IHO1: variants seen among roughly 807,000 people sequenced by gnomAD.
IHO1 encodes interactor of HORMAD1 protein 1.
IHO1 carries 13 observed loss-of-function variants against 31.0 expected under a neutral mutation model. That is an observed-to-expected ratio of 0.42 (90% CI 0.27 to 0.67). IHO1 has a LOEUF of 0.67. Among genes scored for constraint, IHO1 ranks in the 30% least tolerant of loss-of-function variants. The pLI is 0.24. For synonymous variants in IHO1, 221 were observed against 248.4 expected (o/e 0.89, Z 1.04); for missense variants, 599 against 687.5 (o/e 0.87, Z 1.44).
intron 6 of IHO1, among the ~76,000 whole-genome samples, chr3:49,254,526 AGAAG>A (rs973597494): frequency 2.0e-5 from 3 of 151,742 alleles, no homozygotes; most frequent in Non-Finnish European, 4.4e-5. Flanking sequence ...TGCTGAAAGT[AGAAG>A]GAAGAATAGG....
At chr3:49,235,627 T>C (rs1010787537) in intron 2 of IHO1, among the ~76,000 whole-genome samples, 2 of 152,142 alleles carry the variant, frequency 1.3e-5, no homozygotes, top group African/African-American at 2.4e-5. Context: ...GATTGATCTT[T>C]TAAAAAGATA....
intron 3 of IHO1, among the ~76,000 whole-genome samples, chr3:49,237,276 G>A (rs1223857386): frequency 6.6e-6 from 1 of 152,062 alleles, no homozygotes; most frequent in African/African-American, 2.4e-5. Context: ...GAACTCAGGA[G>A]GTAGAGGTTG....
rs149415396 is a variant in IHO1 at position 49,242,628 on chromosome 3, T to C, written c.395+1239T>C. On this transcript the variant is annotated intron_variant, in intron 4 of 7. Coordinates refer to ENST00000452691, the MANE Select transcript of IHO1 (RefSeq NM_001135197.2). ...ATCAGGATTAGGAAGTTGGACAACATTATTTATTTTAGAGTCTAGAATAGA... is the reference window on the plus strand; with the variant it reads ...ATCAGGATTAGGAAGTTGGACAACACTATTTATTTTAGAGTCTAGAATAGA... Among the ~76,000 whole-genome samples, 419 of 152,276 alleles carry C rather than the reference T, an allele frequency of 2.8e-3. 3 individuals are homozygous for C. Among genetic ancestry groups the C allele is most frequent in the African/African-American group, 9.4e-3 (389 of 41,566 alleles).
chr3:49,226,815 T>A (rs932538648), intron 2 of IHO1, among the ~76,000 whole-genome samples: 1 of 152,158 alleles, frequency 6.6e-6, no homozygotes, highest in African/African-American at 2.4e-5. Context: ...ATCAGGATCA[T>A]CTGAAATCTT....
intron 6 of IHO1, among the ~76,000 whole-genome samples, chr3:49,251,727 GAGTAGCT>G (rs1342678692): frequency 1.3e-5 from 2 of 151,754 alleles, no homozygotes; most frequent in African/African-American, 4.8e-5. Context: ...TCAGCCTCCC[GAGTAGCT>G]GGGACTACAG....
chr3:49,212,656 C>T (rs184710456), intron 2 of IHO1, among the ~76,000 whole-genome samples: 3 of 152,012 alleles, frequency 2.0e-5, no homozygotes, highest in Non-Finnish European at 2.9e-5. Context: ...TTCTTAAAAG[C>T]GGCATGTCCA....
intron 4 of IHO1, among the ~76,000 whole-genome samples, chr3:49,242,410 G>A (rs2046642683): frequency 6.6e-6 from 1 of 151,882 alleles, no homozygotes; most frequent in Admixed American, 6.6e-5. Flanking sequence ...TTACAGGCAT[G>A]AGCCACCATA....
rs1373229324 is a variant in IHO1, at chr3:49,211,808, G to A, written c.28G>A (p.Glu10Lys). ...GAATTTTAATGTCTGGAATATCAAAGAGATGCTCAGTATTCCTTCAGGCTC... is the reference window on the plus strand; with the variant it reads ...GAATTTTAATGTCTGGAATATCAAAAAGATGCTCAGTATTCCTTCAGGCTC... MNFNVWNIK[E>K]MLSIPSGSGN... Residue 10 changes from glutamate (E) to lysine (K), a missense_variant, in exon 2 of 8, where the codon GAG (glutamate) becomes AAG (lysine). Transcript: ENST00000452691. The A allele has an allele frequency of 6.4e-7, 1 of 1,561,480 alleles. No homozygotes were observed. Among genetic ancestry groups the A allele is most frequent in the East Asian group, 2.2e-5 (1 of 44,542 alleles).
chr3:49,251,002 C>T (rs2046753405), intron 6 of IHO1, among the ~76,000 whole-genome samples: 1 of 151,454 alleles, frequency 6.6e-6, no homozygotes, highest in South Asian at 2.1e-4. Context: ...CCAGCCTGGG[C>T]GACAGAGTAA....
intron 1 of IHO1, among the ~76,000 whole-genome samples, chr3:49,201,334 G>A (rs965110569): frequency 1.3e-5 from 2 of 151,744 alleles, no homozygotes; most frequent in African/African-American, 2.4e-5. Flanking sequence ...TTGGCTGTGC[G>A]CGGTGGCTCA....
In IHO1 at chr3:49,211,830, G is replaced by C. The variant is rs1006477144; in HGVS notation, c.50G>C (p.Gly17Ala). ...AAAGAGATGCTCAGTATTCCTTCAG[G>C]CTCTGGGTAAGTTTTCTGGTTATAT... Reference protein sequence around the residue: ...NIKEMLSIPSGSGNKKSSNWN... With the variant: ...NIKEMLSIPSASGNKKSSNWN... The change falls in exon 2 of 8, where the codon GGC becomes GCC. Residue 17 changes from glycine (G) to alanine (A), a missense_variant. Transcript: ENST00000452691. The C allele has an allele frequency of 1.3e-6, 2 of 1,569,042 alleles. No homozygotes were observed. Among genetic ancestry groups the C allele is most frequent in the Admixed American group, 1.7e-5 (1 of 59,822 alleles).
intron 1 of IHO1, among the ~76,000 whole-genome samples, chr3:49,202,203 A>G (rs886431975): frequency 9.9e-5 from 15 of 152,134 alleles, no homozygotes; most frequent in African/African-American, 1.4e-4. Context: ...GTAGTGTTAC[A>G]TTAGAATGAT....
At position 49,239,615 on chromosome 3, in the gene IHO1, G is replaced by A. The variant is rs377587982; in HGVS notation, c.232-1611G>A. On this transcript the variant is annotated intron_variant, in intron 3 of 7. Coordinates refer to ENST00000452691, the MANE Select transcript of IHO1 (RefSeq NM_001135197.2). ...ATTTTTATATTTTTTGTAGGGATGG[G>A]GTTTAGCCATGTTGCCCAGGCTGGT... Among the ~76,000 whole-genome samples the A allele has an allele frequency of 8.6e-5, 13 of 151,836 alleles. 1 individual carries two copies. In the East Asian group the frequency reaches 2.1e-3, roughly 25 times the overall value.
intron 3 of IHO1, among the ~76,000 whole-genome samples, chr3:49,237,245 G>T (rs141964675): frequency 6.4e-4 from 97 of 152,216 alleles, no homozygotes; most frequent in African/African-American, 2.1e-3. Context: ...CTACTCGGGA[G>T]GCTGAGGCAG....
chr3:49,201,079 C>T (rs1165383122), intron 1 of IHO1, among the ~76,000 whole-genome samples: 7 of 151,956 alleles, frequency 4.6e-5, no homozygotes, highest in South Asian at 2.1e-4. Context: ...CTGCAAGCTC[C>T]GCCTCCCAGG....
intron 4 of IHO1, 149 bp downstream of exon 4, chr3:49,241,538 T>C (rs997385897): frequency 1.7e-4 from 83 of 478,550 alleles, no homozygotes; most frequent in South Asian, 1.6e-3. Flanking sequence ...TACACACACA[T>C]ACACACACAC....
intron 7 of IHO1, among the ~76,000 whole-genome samples, 176 bp from the exon 8 acceptor site, chr3:49,255,958 C>T (rs911979462): frequency 6.6e-6 from 1 of 152,136 alleles, no homozygotes; most frequent in East Asian, 1.9e-4. Flanking sequence ...GGTTCCTTGA[C>T]ATGATGTGGG....
intron 4 of IHO1, among the ~76,000 whole-genome samples, chr3:49,242,791 G>A (rs937774741): frequency 1.3e-5 from 2 of 152,100 alleles, no homozygotes. Context: ...GGAGACAAGA[G>A]TGAAACTCCA....
chr3:49,252,101 G>T (rs1461237488), intron 6 of IHO1: 2 of 153,354 alleles, frequency 1.3e-5, no homozygotes, highest in Non-Finnish European at 2.9e-5. Flanking sequence ...AAAGTGCTGA[G>T]ATTACAGGCG....
Sources: allele counts gnomAD v4.1 joint callset (sites outside exome capture counted in the v4.1 genomes callset), GRCh38; gene constraint gnomAD v4.1.1; transcripts MANE v1.5; gene names NCBI Gene and HGNC (gene_info 2026-07-23, HGNC 2026-07-21).